Variants in MYCBP2 observed in about 807,000 individuals in gnomAD.
MYCBP2 encodes the protein E3 ubiquitin-protein ligase MYCBP2.
Under a neutral mutation model 525.3 loss-of-function variants are expected in MYCBP2, and 120 were observed. The ratio of observed to expected loss-of-function variants is 0.23; its 90% CI spans 0.20 to 0.27. MYCBP2 has a LOEUF of 0.27. MYCBP2 is among the 10% of genes least tolerant of loss of function. The pLI, the probability that MYCBP2 is intolerant of heterozygous loss-of-function variation, is 1.00. For synonymous variants in MYCBP2, 1,894 were observed against 1,955.8 expected, an observed-to-expected ratio of 0.97 and a Z score of 0.83; for missense variants, 4,149 against 5,657.1, an observed-to-expected ratio of 0.73 and a Z score of 8.55.
At chr13:77,298,914 C>T (rs961450243) in intron 1 of MYCBP2, among the ~76,000 whole-genome samples, 11 of 152,296 alleles carry the variant, frequency 7.2e-5, no homozygotes, top group Non-Finnish European at 1.6e-4. Flanking sequence ...CAACTGTGTA[C>T]TTTCAGCACC....
intron 47 of MYCBP2, among the ~76,000 whole-genome samples, chr13:77,148,439 G>A (rs1214217779): frequency 6.6e-6 from 1 of 151,888 alleles, no homozygotes; most frequent in African/African-American, 2.4e-5. Flanking sequence ...AAATAAAATG[G>A]CCTGTTCAGT....
Position 77,144,491 on chromosome 13 carries a change from A to C in MYCBP2, c.7257T>G (p.Ala2419=). 1.2e-6 allele frequency: 2 copies of C among 1,613,828 alleles called. No individual in the cohort carries two copies. ...TAACATGAAGAGTGTAGAGTCCAAT[A>C]GCCCCTGGAGTCCAATTTGCACAAT... ...GTYCANWTPG[A]IGLYTLHVTI... The change falls in exon 49 of 83, where the codon GCT becomes GCG. Residue 2419 remains alanine (A), a synonymous_variant. Transcript: ENST00000544440.
chr13:77,264,762 C>A (rs2073839380), intron 8 of MYCBP2, among the ~76,000 whole-genome samples: 1 of 151,994 alleles, frequency 6.6e-6, no homozygotes, highest in Non-Finnish European at 1.5e-5. Context: ...CACAGGAACA[C>A]GTGTTAGTGA....
intron 58 of MYCBP2, among the ~76,000 whole-genome samples, chr13:77,095,132 A>G (rs1307451498): frequency 6.6e-6 from 1 of 152,200 alleles, no homozygotes; most frequent in Admixed American, 6.6e-5. Flanking sequence ...CATGTTGTGT[A>G]TTAATACAAT....
chr13:77,126,425 C>T lies in MYCBP2; in HGVS notation c.7777G>A (p.Val2593Ile). 6.2e-7 allele frequency: 1 copy of T among 1,614,002 alleles called. No homozygotes were observed. The highest frequency in any genetic ancestry group is 8.5e-7 in the Non-Finnish European group (1 of 1,179,880). The change falls in exon 53 of 83, where the codon GTA (valine) becomes ATA (isoleucine). Residue 2593 changes from valine to isoleucine, a missense_variant. Around this residue, in one of 21 missense-constraint regions of MYCBP2, gnomAD observed 692 missense variants for 852.7 expected, o/e 0.81. Coordinates refer to ENST00000544440, the MANE Select transcript of MYCBP2 (RefSeq NM_015057.5). ...TGACCTGAAGGTCCCGTCTTCACTA[C>T]CTTGTACATGCCTGGCCCTCCTCGC... ...FLRGGPGMYK[V>I]VKTGPSGHNI...
chr13:77,180,006 C>T (rs2060071000), intron 34 of MYCBP2, 121 bp downstream of exon 34: 2 of 678,302 alleles, frequency 2.9e-6, no homozygotes, highest in East Asian at 2.8e-5. Flanking sequence ...AAAAACAATG[C>T]ATTGGGGTTG....
In MYCBP2 at chr13:77,045,439, G is replaced by C; in HGVS notation, c.13976C>G (p.Pro4659Arg). 1 of 1,614,086 alleles carries C rather than the reference G, an allele frequency of 6.2e-7. No homozygotes were observed. ...GTECPLHVVH[P>R]PTGEEFALGC... Reference sequence around the variant, plus strand: ...CAGAGCAAACTCTTCCCCAGTGGGTGGATGAACAACATGGAGTGGACATTC... The same window carrying C: ...CAGAGCAAACTCTTCCCCAGTGGGTCGATGAACAACATGGAGTGGACATTC... The change falls in exon 83 of 83, where the codon CCA becomes CGA. Residue 4659 changes from proline to arginine, a missense_variant. Physicochemically the swap from Pro to Arg is moderately radical, Grantham distance 103. This residue lies in a region of MYCBP2 where 45 missense variants were observed against 130.1 expected (regional missense o/e 0.35). Transcript: ENST00000544440.
At chr13:77,216,061 G>A (rs2064779430) in intron 21 of MYCBP2, among the ~76,000 whole-genome samples, 1 of 152,148 alleles carries the variant, frequency 6.6e-6, no homozygotes, top group African/African-American at 2.4e-5. Flanking sequence ...TACAGGGCCT[G>A]TACAAGATAA....
At chr13:77,257,300 T>C (rs2072416025) in intron 14 of MYCBP2, among the ~76,000 whole-genome samples, 1 of 151,964 alleles carries the variant, frequency 6.6e-6, no homozygotes, top group African/African-American at 2.4e-5. Context: ...TATAATTAGA[T>C]ACAAGAGATC....
chr13:77,212,384 A>AT (rs896235230), intron 21 of MYCBP2, among the ~76,000 whole-genome samples: 18 of 152,266 alleles, frequency 1.2e-4, no homozygotes, highest in African/African-American at 4.1e-4. Flanking sequence ...AAAGTGCATT[A>AT]TTTTTTAAAA....
In MYCBP2 at chr13:77,225,489, G is replaced by T. The variant is rs1436162580; in HGVS notation, c.2803C>A (p.Arg935=). 6.2e-7 allele frequency: 1 copy of T among 1,613,568 alleles called. No homozygotes were observed. Among genetic ancestry groups the T allele is most frequent in the African/African-American group, 1.3e-5 (1 of 74,890 alleles). Residue 935 remains arginine, a synonymous_variant, in exon 19 of 83, where the codon CGA becomes AGA. Transcript: ENST00000544440. ...KITTYPPGSV[R]FDCELRAVQV... Reference sequence around the variant, plus strand: ...ACTGCCCGGAGCTCACAGTCAAATCGCACAGAGCCTGGAGGGTATGTTGTG... The same window carrying T: ...ACTGCCCGGAGCTCACAGTCAAATCTCACAGAGCCTGGAGGGTATGTTGTG...
intron 47 of MYCBP2, among the ~76,000 whole-genome samples, 194 bp downstream of exon 47, chr13:77,150,540 A>G (rs888656474): frequency 6.6e-6 from 1 of 152,180 alleles, no homozygotes; most frequent in African/African-American, 2.4e-5. Context: ...TCCCCTCTGG[A>G]CATCTGCCAA....
At chr13:77,283,697 G>C (rs548358832) in intron 3 of MYCBP2, among the ~76,000 whole-genome samples, 1 of 152,194 alleles carries the variant, frequency 6.6e-6, no homozygotes, top group East Asian at 1.9e-4. Context: ...AAGAGTTCGA[G>C]ACCAGCCTGG....
chr13:77,306,533 G>A (rs2079441149), intron 1 of MYCBP2, among the ~76,000 whole-genome samples: 1 of 152,096 alleles, frequency 6.6e-6, no homozygotes, highest in Admixed American at 6.6e-5. Context: ...CAGAGCAGCA[G>A]AAGGAAAAAG....
At chr13:77,294,104 C>CTATATATATATG (rs1555465426) in intron 2 of MYCBP2, among the ~76,000 whole-genome samples, 1 of 41,910 alleles carries the variant, frequency 2.4e-5, no homozygotes, top group Non-Finnish European at 5.2e-5. Context: ...GATATAATGG[C>CTATATATATATG]TATATATATA....
intron 26 of MYCBP2, 129 bp from the exon 27 acceptor site, chr13:77,194,373 C>CT (rs2061559620): frequency 3.2e-6 from 2 of 630,850 alleles, no homozygotes; most frequent in Non-Finnish European, 5.7e-6. Flanking sequence ...AGAGTACCTG[C>CT]TTTTTTAACA....
chr13:77,154,619 A>C (rs1461090806), intron 46 of MYCBP2, among the ~76,000 whole-genome samples: 3 of 152,126 alleles, frequency 2.0e-5, no homozygotes, highest in African/African-American at 7.2e-5. Context: ...TGGTATTAGA[A>C]TGTTGTCACA....
At chr13:77,242,865 T>C (rs1426314189) in intron 17 of MYCBP2, among the ~76,000 whole-genome samples, 194 bp downstream of exon 17, 2 of 152,208 alleles carry the variant, frequency 1.3e-5, no homozygotes, top group African/African-American at 4.8e-5. Context: ...CAATTATAAA[T>C]ACCTAAACGT....
rs750213456 is a variant in MYCBP2, at chr13:77,176,485, A to C, written c.5472+12T>G. On this transcript the variant is annotated intron_variant, in intron 36 of 82. Transcript: ENST00000544440. ...CCTCTTATTCACAATAGAAACATTC[A>C]GTTGAAACTACCTTTAAAGGAACCA... 4 of 1,571,258 alleles carry C rather than the reference A, an allele frequency of 2.5e-6. No individual in the cohort carries two copies. The highest frequency in any genetic ancestry group is 3.4e-4 in the Middle Eastern group (2 of 5,852).
Sources: gnomAD v4.1 joint callset for allele counts (sites outside exome capture counted in the v4.1 genomes callset) on GRCh38, gnomAD v4.1.1 for gene constraint, gnomAD v4.1.1 regional missense constraint, MANE v1.5 for transcripts, NCBI Gene and HGNC (gene_info 2026-07-23, HGNC 2026-07-21) for gene names.